Variants in ZNF407 observed in about 807,000 individuals in gnomAD.
The protein encoded by ZNF407 is zinc finger protein 407.
In ZNF407, 17 loss-of-function variants were observed where a neutral mutation model predicts 131.2. The observed-to-expected ratio is 0.13, with a 90% confidence interval of 0.09 to 0.19. The LOEUF (loss-of-function observed/expected upper bound fraction) is 0.19. Ranked by LOEUF, ZNF407 falls within the 10% of genes least tolerant of loss-of-function variation. The pLI is 1.00. For missense variants in ZNF407, 2,681 were observed against 2,830.6 expected (o/e 0.95, Z 1.20); for synonymous variants, 1,156 against 1,062.0 (o/e 1.09, Z -1.72).
chr18:74,854,681 TACA>T (rs574268101), intron 4 of ZNF407, among the ~76,000 whole-genome samples: 13 of 152,050 alleles, frequency 8.5e-5, no homozygotes, highest in South Asian at 2.1e-4. Flanking sequence ...ATTTCATACA[TACA>T]ACAATATATA....
At chr18:74,952,303 A>G (rs1972223635) in intron 8 of ZNF407, among the ~76,000 whole-genome samples, 2 of 152,194 alleles carry the variant, frequency 1.3e-5, no homozygotes, top group Non-Finnish European at 2.9e-5. Context: ...ACTGTGCTCT[A>G]TGCCATCCCT....
intron 7 of ZNF407, among the ~76,000 whole-genome samples, chr18:74,903,765 G>A (rs1354405123): frequency 1.3e-5 from 2 of 152,224 alleles, no homozygotes; most frequent in East Asian, 1.9e-4. Context: ...CAGGAGATTA[G>A]TGAAAGGAAG....
chr18:74,792,144 T>A (rs141851367), intron 4 of ZNF407, among the ~76,000 whole-genome samples: 43 of 152,224 alleles, frequency 2.8e-4, no homozygotes, highest in African/African-American at 9.9e-4. Context: ...ACAAAAACAA[T>A]CATACTGTTT....
At chr18:74,710,147 T>C (rs902897839) in intron 3 of ZNF407, among the ~76,000 whole-genome samples, 3 of 152,232 alleles carry the variant, frequency 2.0e-5, no homozygotes, top group African/African-American at 7.2e-5. Flanking sequence ...CAGATAAATT[T>C]AGCTTTAAAA....
At chr18:74,759,970 CT>C (rs1286217842) in intron 3 of ZNF407, among the ~76,000 whole-genome samples, 2 of 151,048 alleles carry the variant, frequency 1.3e-5, no homozygotes, top group East Asian at 3.9e-4. Context: ...CTCTCTCTCT[CT>C]CTCCATATAT....
At chr18:74,941,333 T>C (rs536893210) in intron 8 of ZNF407, among the ~76,000 whole-genome samples, 2 of 152,354 alleles carry the variant, frequency 1.3e-5, no homozygotes, top group East Asian at 3.9e-4. Context: ...TCTTGTGCTC[T>C]CTGGCCTCTT....
intron 8 of ZNF407, among the ~76,000 whole-genome samples, chr18:74,983,758 G>A (rs374470931): frequency 2.6e-5 from 4 of 152,220 alleles, no homozygotes; most frequent in African/African-American, 7.2e-5. Context: ...TGACCTCACC[G>A]TCTTTTCCTC....
chr18:74,883,205 C>A (rs2145188013), intron 6 of ZNF407, among the ~76,000 whole-genome samples: 1 of 152,320 alleles, frequency 6.6e-6, no homozygotes, highest in Admixed American at 6.5e-5. Context: ...GCCTCTGTAG[C>A]ACAAATCAAA....
intron 1 of ZNF407, among the ~76,000 whole-genome samples, chr18:74,603,033 G>A (rs1340942248): frequency 6.6e-6 from 1 of 152,176 alleles, no homozygotes; most frequent in African/African-American, 2.4e-5. Flanking sequence ...AGATCATGGG[G>A]CAGTGTAGCA....
intron 3 of ZNF407, among the ~76,000 whole-genome samples, chr18:74,707,840 A>G (rs1471767628): frequency 1.3e-5 from 2 of 152,242 alleles, no homozygotes; most frequent in Non-Finnish European, 2.9e-5. Flanking sequence ...CTGTGCTGCC[A>G]CAGGTGATGC....
At chr18:74,844,689 A>G (rs1970678886) in intron 4 of ZNF407, among the ~76,000 whole-genome samples, 2 of 152,144 alleles carry the variant, frequency 1.3e-5, no homozygotes, top group African/African-American at 4.8e-5. Flanking sequence ...TGTAAAAATT[A>G]CCCATGCAGA....
intron 4 of ZNF407, among the ~76,000 whole-genome samples, chr18:74,835,668 A>G (rs1555693421): frequency 8.6e-6 from 1 of 115,728 alleles, no homozygotes; most frequent in Admixed American, 8.9e-5. Flanking sequence ...GTGTGTGTGT[A>G]AATGGAGAGG....
At chr18:74,861,909 A>C (rs1016128138) in intron 4 of ZNF407, among the ~76,000 whole-genome samples, 6 of 152,176 alleles carry the variant, frequency 3.9e-5, no homozygotes, top group African/African-American at 1.4e-4. Context: ...GAAGTTTTTA[A>C]TTCTGAATTT....
intron 4 of ZNF407, among the ~76,000 whole-genome samples, chr18:74,832,469 T>G (rs1970499216): frequency 6.6e-6 from 1 of 152,100 alleles, no homozygotes; most frequent in Non-Finnish European, 1.5e-5. Flanking sequence ...TTTTTGTTTT[T>G]TTTGAGATAG....
intron 1 of ZNF407, among the ~76,000 whole-genome samples, chr18:74,609,234 C>T (rs1599126036): frequency 1.3e-5 from 2 of 152,202 alleles, no homozygotes; most frequent in East Asian, 1.9e-4. Context: ...ATTTGTCTTC[C>T]AGTGAATGAC....
At chr18:74,730,169 T>C (rs894341213) in intron 3 of ZNF407, among the ~76,000 whole-genome samples, 3 of 152,226 alleles carry the variant, frequency 2.0e-5, no homozygotes, top group African/African-American at 7.2e-5. Context: ...AAATTGTGCA[T>C]GGAAATTGGT....
chr18:75,032,615 C>G (rs1947022933), intron 8 of ZNF407, among the ~76,000 whole-genome samples: 1 of 152,178 alleles, frequency 6.6e-6, no homozygotes, highest in Non-Finnish European at 1.5e-5. Flanking sequence ...GCTTCATACG[C>G]ATTTAGCATA....
chr18:74,906,395 C>T (rs1002111990), intron 7 of ZNF407, among the ~76,000 whole-genome samples: 2 of 152,232 alleles, frequency 1.3e-5, no homozygotes, highest in African/African-American at 4.8e-5. Context: ...AGCACATCCA[C>T]CTCTGCCCCA....
intron 8 of ZNF407, among the ~76,000 whole-genome samples, chr18:74,941,744 G>A (rs544846796): frequency 5.3e-5 from 8 of 152,222 alleles, no homozygotes; most frequent in East Asian, 3.9e-4. Flanking sequence ...AAATGCTTTC[G>A]TAGGCTAGGA....
Sources: gnomAD v4.1 joint callset for allele counts (sites outside exome capture counted in the v4.1 genomes callset) on GRCh38, gnomAD v4.1.1 for gene constraint, MANE v1.5 for transcripts, NCBI Gene and HGNC (gene_info 2026-07-23, HGNC 2026-07-21) for gene names.